Variants in FLVCR2 observed in about 807,000 individuals in gnomAD.
FLVCR2 encodes the protein FLVCR choline and putative heme transporter 2.
FLVCR2 carries 38 observed loss-of-function variants against 48.9 expected under a neutral mutation model. That is an observed-to-expected ratio of 0.78 (90% CI 0.60 to 1.02). FLVCR2 has a LOEUF of 1.02. Among genes scored for constraint, FLVCR2 ranks in the 50% least tolerant of loss-of-function variants. FLVCR2 has a pLI of 0.00. For missense variants in FLVCR2, 664 were observed against 663.3 expected, an observed-to-expected ratio of 1.00 and a Z score of -0.01; for synonymous variants, 255 against 257.0, an observed-to-expected ratio of 0.99 and a Z score of 0.07.
Position 75,634,903 on chromosome 14 carries a change from TC to T in FLVCR2, c.1021-3del. ...CCGGGTGATCTTTGGGGTTATGGTTTCCCCAGGGGGAAGAAGTGAATGCTGG... is the reference window on the plus strand; with the variant it reads ...CCGGGTGATCTTTGGGGTTATGGTTTCCCAGGGGGAAGAAGTGAATGCTGG... On this transcript the variant is annotated splice_polypyrimidine_tract_variant and splice_region_variant and intron_variant, in intron 4 of 9. Transcript: ENST00000238667. 1 of 1,604,828 alleles carries T rather than the reference TC, an allele frequency of 6.2e-7. No homozygotes were observed. Among genetic ancestry groups the T allele is most frequent in the Non-Finnish European group, 8.5e-7 (1 of 1,171,852 alleles).
intron 1 of FLVCR2, among the ~76,000 whole-genome samples, chr14:75,620,978 G>A (rs1478586038): frequency 6.6e-6 from 1 of 152,216 alleles, no homozygotes; most frequent in East Asian, 1.9e-4. Context: ...GGAATCTGAA[G>A]CTTGCCTGAG....
intron 9 of FLVCR2, among the ~76,000 whole-genome samples, chr14:75,642,954 C>T (rs1247173048): frequency 5.9e-5 from 9 of 152,170 alleles, no homozygotes; most frequent in Admixed American, 2.0e-4. Flanking sequence ...CTCTGCCTCC[C>T]GGGTTCGAGT....
At chr14:75,640,840 T>G in intron 6 of FLVCR2, 115 bp from the exon 7 acceptor site, 2 of 766,100 alleles carry the variant, frequency 2.6e-6, no homozygotes. Context: ...GGGCCTAGTA[T>G]GTCTTGGTGG....
Position 75,578,864 on chromosome 14 carries a change from TG to T in FLVCR2, c.-107del. ...CGCAGCCTCTAGTCTCTGTTTCTTC[TG>T]GAATAGGCAAGTGTCCTTTCAACTC... On this transcript the variant is annotated 5_prime_UTR_variant, in exon 1 of 10. Transcript: ENST00000238667. 2.0e-6 allele frequency: 2 copies of T among 1,021,164 alleles called. No individual in the cohort carries two copies. The highest frequency in any genetic ancestry group is 1.3e-5 in the South Asian group (1 of 75,814). 63.3% of individuals were successfully genotyped at this position (1,021,164 alleles called of 1,614,324 possible). A position where few individuals can be genotyped will look rare whatever the true frequency, so the allele number is the denominator to read the frequency against.
At chr14:75,626,282 G>A (rs1416905987) in intron 3 of FLVCR2, among the ~76,000 whole-genome samples, 1 of 151,150 alleles carries the variant, frequency 6.6e-6, no homozygotes, top group African/African-American at 2.5e-5. Context: ...GTGAGCCACT[G>A]CGCCCAGCCA....
chr14:75,634,303 T>C, intron 4 of FLVCR2, among the ~76,000 whole-genome samples: 1 of 152,186 alleles, frequency 6.6e-6, no homozygotes, highest in East Asian at 1.9e-4. Flanking sequence ...GATCCTAGCT[T>C]TGAACTTAAC....
At chr14:75,631,713 C>T (rs893488428) in intron 3 of FLVCR2, 11 of 454,310 alleles carry the variant, frequency 2.4e-5, no homozygotes, top group East Asian at 2.1e-4. Context: ...AATGGGAAGA[C>T]GGGAGGAGAC....
chr14:75,580,876 G>A (rs117723467), intron 1 of FLVCR2, among the ~76,000 whole-genome samples: 5,882 of 152,274 alleles, frequency 0.039, 339 homozygotes, highest in East Asian at 0.23. Context: ...ATTGCCTGAA[G>A]CATGCAGGTC....
At chr14:75,627,163 C>T (rs1889918609) in intron 3 of FLVCR2, among the ~76,000 whole-genome samples, 2 of 151,970 alleles carry the variant, frequency 1.3e-5, no homozygotes, top group African/African-American at 4.9e-5. Flanking sequence ...TGTTTGCTTA[C>T]GTGGTCTTTA....
chr14:75,612,491 C>T (rs1037063408), intron 1 of FLVCR2, among the ~76,000 whole-genome samples: 1 of 152,178 alleles, frequency 6.6e-6, no homozygotes, highest in African/African-American at 2.4e-5. Context: ...TGATTTTCCA[C>T]CAAATCAATG....
intron 9 of FLVCR2, 44 bp downstream of exon 9, chr14:75,641,942 G>A: frequency 7.0e-6 from 11 of 1,565,262 alleles, no homozygotes; most frequent in Non-Finnish European, 9.7e-6. Flanking sequence ...GGGGTCCAAG[G>A]CTTTTGATGA....
chr14:75,643,109 A>G (rs1426157949), intron 9 of FLVCR2, among the ~76,000 whole-genome samples: 1 of 152,164 alleles, frequency 6.6e-6, no homozygotes, highest in East Asian at 1.9e-4. Context: ...TGACCCACCA[A>G]TCTTGGCCTC....
At chr14:75,618,977 G>A (rs1218378604) in intron 1 of FLVCR2, among the ~76,000 whole-genome samples, 1 of 151,430 alleles carries the variant, frequency 6.6e-6, no homozygotes, top group Non-Finnish European at 1.5e-5. Context: ...TAATCCCAGC[G>A]CTTTGGGAGG....
intron 1 of FLVCR2, among the ~76,000 whole-genome samples, chr14:75,602,745 T>C (rs1889195176): frequency 6.6e-6 from 1 of 152,082 alleles, no homozygotes; most frequent in African/African-American, 2.4e-5. Context: ...GTTCTAGAAA[T>C]GGATGGAGGT....
At chr14:75,642,273 G>A (rs1054109466) in intron 9 of FLVCR2, among the ~76,000 whole-genome samples, 2 of 152,178 alleles carry the variant, frequency 1.3e-5, no homozygotes, top group African/African-American at 2.4e-5. Context: ...GGGGAGGAAG[G>A]GGAAGCCTGG....
intron 3 of FLVCR2, chr14:75,632,540 C>T: frequency 1.5e-6 from 1 of 682,698 alleles, no homozygotes; most frequent in Non-Finnish European, 2.7e-6. Flanking sequence ...GCCATACCCA[C>T]CTTCCCTTGC....
intron 1 of FLVCR2, among the ~76,000 whole-genome samples, chr14:75,582,716 T>G (rs1888640732): frequency 1.3e-5 from 2 of 152,094 alleles, no homozygotes; most frequent in South Asian, 4.1e-4. Flanking sequence ...GGGGGCAGCT[T>G]CTAGGGCTGT....
At chr14:75,582,402 A>G (rs2140001682) in intron 1 of FLVCR2, among the ~76,000 whole-genome samples, 1 of 152,302 alleles carries the variant, frequency 6.6e-6, no homozygotes, top group African/African-American at 2.4e-5. Flanking sequence ...GCTGAGAGGT[A>G]GTGGAGGGGG....
At chr14:75,640,746 A>G (rs1890289963) in intron 6 of FLVCR2, 1 of 608,064 alleles carries the variant, frequency 1.6e-6, no homozygotes, top group Admixed American at 2.6e-5. Context: ...GCTGAGCACA[A>G]GGTCTCCCTG....
Sources: allele counts gnomAD v4.1 joint callset (sites outside exome capture counted in the v4.1 genomes callset), GRCh38; gene constraint gnomAD v4.1.1; transcripts MANE v1.5; gene names NCBI Gene and HGNC (gene_info 2026-07-23, HGNC 2026-07-21).